TNPO3: variants seen among roughly 807,000 people sequenced by gnomAD.
TNPO3 encodes transportin-3.
TNPO3 carries 65 observed loss-of-function variants against 122.8 expected under a neutral mutation model. The ratio of observed to expected loss-of-function variants is 0.53; its 90% CI spans 0.43 to 0.65. The LOEUF (loss-of-function observed/expected upper bound fraction) is 0.65, where lower values mean the gene tolerates loss of function less well. TNPO3 is among the 30% of genes least tolerant of loss of function. The pLI, the probability that TNPO3 is intolerant of heterozygous loss-of-function variation, is 0.00. For missense variants in TNPO3, 850 were observed against 1,136.7 expected (o/e 0.75, Z 3.63); for synonymous variants, 372 against 411.2 (o/e 0.90, Z 1.15).
chr7:129,017,770 A>C (rs1804009595), intron 2 of TNPO3, among the ~76,000 whole-genome samples, 187 bp downstream of exon 2: 1 of 152,234 alleles, frequency 6.6e-6, no homozygotes, highest in Non-Finnish European at 1.5e-5. Flanking sequence ...GTTAGTTTGA[A>C]ACCAAATGAA....
intron 1 of TNPO3, among the ~76,000 whole-genome samples, chr7:129,028,547 G>A (rs577980514): frequency 3.5e-4 from 53 of 152,284 alleles, no homozygotes; most frequent in African/African-American, 1.1e-3. Flanking sequence ...GAAAATCAAG[G>A]GAATGCTACA....
intron 21 of TNPO3, among the ~76,000 whole-genome samples, chr7:128,960,662 T>C (rs1797356845): frequency 6.6e-6 from 1 of 151,858 alleles, no homozygotes; most frequent in South Asian, 2.1e-4. Context: ...CAATTTGTGT[T>C]TTAAGCTAGG....
At chr7:128,996,472 G>A (rs1004563811) in intron 8 of TNPO3, among the ~76,000 whole-genome samples, 7 of 151,864 alleles carry the variant, frequency 4.6e-5, no homozygotes, top group Admixed American at 6.6e-5. Flanking sequence ...GGCCAGGGGC[G>A]GTGGCTCACA....
intron 5 of TNPO3, among the ~76,000 whole-genome samples, chr7:129,004,003 G>A (rs1028837671): frequency 2.6e-5 from 4 of 152,076 alleles, no homozygotes; most frequent in African/African-American, 7.2e-5. Context: ...ATTTGTTGAC[G>A]TGATAATAAA....
intron 9 of TNPO3, among the ~76,000 whole-genome samples, chr7:128,992,541 T>C (rs180832763): frequency 1.3e-5 from 2 of 152,324 alleles, no homozygotes; most frequent in Admixed American, 6.5e-5. Context: ...AGCAGCTGTT[T>C]AGAAGCACCT....
At chr7:129,049,030 C>T (rs941370174) in intron 1 of TNPO3, among the ~76,000 whole-genome samples, 1 of 152,156 alleles carries the variant, frequency 6.6e-6, no homozygotes, top group African/African-American at 2.4e-5. Context: ...TCATTGGGGG[C>T]TGAAATCACT....
chr7:129,052,062 C>G (rs1055334683), intron 1 of TNPO3, among the ~76,000 whole-genome samples: 5 of 152,168 alleles, frequency 3.3e-5, no homozygotes, highest in African/African-American at 1.2e-4. Context: ...AACTGTCAAT[C>G]CAGATGCTGA....
chr7:129,048,741 G>C (rs1808353682), intron 1 of TNPO3, among the ~76,000 whole-genome samples: 1 of 152,120 alleles, frequency 6.6e-6, no homozygotes, highest in African/African-American at 2.4e-5. Flanking sequence ...GGTGAAAAGT[G>C]ACAGCAAAAA....
chr7:128,960,222 C>T (rs999037676), intron 21 of TNPO3, among the ~76,000 whole-genome samples: 3 of 151,958 alleles, frequency 2.0e-5, no homozygotes, highest in Non-Finnish European at 2.9e-5. Flanking sequence ...AAGGACAACA[C>T]AAACAATTAT....
In TNPO3 at chr7:129,054,642, G is replaced by T. The variant is rs372906002; in HGVS notation, c.120+9C>A. On this transcript the variant is annotated intron_variant, in intron 1 of 22. Transcript: ENST00000265388. ...GTGCGGCACAGAACTGCCTCTCTGGGCCCCTCACCGAACGCTGCAGCTCCC... is the reference window on the plus strand; with the variant it reads ...GTGCGGCACAGAACTGCCTCTCTGGTCCCCTCACCGAACGCTGCAGCTCCC... 135 of 1,613,336 alleles carry T rather than the reference G, an allele frequency of 8.4e-5. No individual in the cohort carries two copies. The African/African-American group carries it at 1.3e-3, about 16-fold the overall frequency.
At position 128,954,578 on chromosome 7, in the gene TNPO3, G is replaced by C. The variant is rs935929152; in HGVS notation, c.*839C>G. The C allele has an allele frequency of 1.7e-5, 2 of 115,270 alleles. No homozygotes were observed. Among genetic ancestry groups the C allele is most frequent in the African/African-American group, 3.5e-5 (1 of 28,628 alleles). 7.1% of individuals were successfully genotyped at this position (115,270 alleles called of 1,614,324 possible). A position where few individuals can be genotyped will look rare whatever the true frequency, so the allele number is the denominator to read the frequency against. On this transcript the variant is annotated 3_prime_UTR_variant, in exon 23 of 23. Coordinates refer to ENST00000265388, the MANE Select transcript of TNPO3 (RefSeq NM_012470.4). The stretch of plus-strand genomic sequence containing the variant: ...CCCCAGTTTTGGCTCTTCTCTCCAA[G>C]GCAGACAACAAACTGATGTGGATTG...
chr7:129,023,572 A>G (rs536915596), intron 1 of TNPO3, among the ~76,000 whole-genome samples: 4 of 152,262 alleles, frequency 2.6e-5, no homozygotes, highest in South Asian at 4.1e-4. Flanking sequence ...ACAGAAGACA[A>G]TAAGACTACT....
At chr7:129,004,312 A>C (rs1321447409) in intron 5 of TNPO3, among the ~76,000 whole-genome samples, 1 of 152,202 alleles carries the variant, frequency 6.6e-6, no homozygotes, top group Non-Finnish European at 1.5e-5. Context: ...TCCAGCAGAA[A>C]GAGACAAAGT....
At position 129,044,655 on chromosome 7, in the gene TNPO3, T is replaced by C. The variant is rs148591468; in HGVS notation, c.120+9996A>G. On this transcript the variant is annotated intron_variant, in intron 1 of 22. Coordinates refer to ENST00000265388, the MANE Select transcript of TNPO3 (RefSeq NM_012470.4). ...TTCACCTATACAGCTGTAAAAATAC[T>C]CTCTGGTAACATTTCAGCACCATGG... is the stretch of plus-strand genomic sequence containing the variant. Among the ~76,000 whole-genome samples the C allele has an allele frequency of 1.7e-3, 260 of 152,278 alleles. 3 individuals are homozygous for C. Among genetic ancestry groups the C allele is most frequent in the African/African-American group, 5.7e-3 (237 of 41,546 alleles).
chr7:128,988,384 A>G (rs1037382041), intron 11 of TNPO3, among the ~76,000 whole-genome samples: 2 of 152,230 alleles, frequency 1.3e-5, no homozygotes, highest in Non-Finnish European at 2.9e-5. Flanking sequence ...CAAAAAGAAA[A>G]AAACAAAACC....
In TNPO3 at chr7:129,054,812, T is replaced by G. The variant is rs565420465; in HGVS notation, c.-42A>C. On this transcript the variant is annotated 5_prime_UTR_variant, in exon 1 of 23. Transcript: ENST00000265388. Reference sequence around the variant, plus strand: ...GCGGTAGCGACGGCTCTGATTCTTCTCCGGAGGATTCCTCGGTTGCTCCGC... The same window carrying G: ...GCGGTAGCGACGGCTCTGATTCTTCGCCGGAGGATTCCTCGGTTGCTCCGC... 8.7e-6 allele frequency: 14 copies of G among 1,612,644 alleles called. No homozygotes were observed. Among genetic ancestry groups the G allele is most frequent in the African/African-American group, 4.0e-5 (3 of 75,024 alleles).
intron 1 of TNPO3, among the ~76,000 whole-genome samples, chr7:129,031,769 T>C (rs1805974899): frequency 6.6e-6 from 1 of 152,212 alleles, no homozygotes; most frequent in Admixed American, 6.5e-5. Context: ...ATATCCCTTA[T>C]GAATAGTAAT....
At chr7:129,014,838 TGGTAA>T in intron 4 of TNPO3, 136 bp downstream of exon 4, 1 of 719,094 alleles carries the variant, frequency 1.4e-6, no homozygotes, top group Non-Finnish European at 2.1e-6. Context: ...TATGTTGTCA[TGGTAA>T]GGTGTTACAT....
chr7:129,015,367 T>C (rs1167134292), intron 3 of TNPO3, among the ~76,000 whole-genome samples: 1 of 89,698 alleles, frequency 1.1e-5, no homozygotes, highest in African/African-American at 3.7e-5. Flanking sequence ...CTATATGTCC[T>C]AACATGAAAA....
Sources: gnomAD v4.1 joint callset for allele counts (sites outside exome capture counted in the v4.1 genomes callset) on GRCh38, gnomAD v4.1.1 for gene constraint, MANE v1.5 for transcripts, NCBI Gene and HGNC (gene_info 2026-07-23, HGNC 2026-07-21) for gene names.